Variants in PDE8B observed in about 807,000 individuals in gnomAD.
PDE8B encodes phosphodiesterase 8B.
In PDE8B, 26 loss-of-function variants were observed where a neutral mutation model predicts 101.3. The observed-to-expected ratio is 0.26, with a 90% CI of 0.19 to 0.36. PDE8B has a LOEUF of 0.36. Ranked by LOEUF, PDE8B falls within the 10% of genes least tolerant of loss-of-function variation. The pLI is 1.00. For missense variants in PDE8B, 810 were observed against 1,163.1 expected (o/e 0.70, Z 4.42); for synonymous variants, 424 against 429.3 (o/e 0.99, Z 0.15).
At chr5:77,204,057 T>G in the PDE8B span, among the ~76,000 whole-genome samples, 4 of 149,710 alleles carry the variant, frequency 2.7e-5, no homozygotes, top group Non-Finnish European at 4.4e-5. Flanking sequence ...TTAGTTTTTT[T>G]TTTTTTTTTT....
the PDE8B span, among the ~76,000 whole-genome samples, chr5:77,183,973 T>A: frequency 1.3e-5 from 2 of 151,534 alleles, no homozygotes; most frequent in Non-Finnish European, 2.9e-5. Flanking sequence ...TACATACTTT[T>A]TTTTTTTAAA....
chr5:77,291,346 C>A (rs908766827), intron 1 of PDE8B: 80 of 1,612,140 alleles, frequency 5.0e-5, no homozygotes, highest in Non-Finnish European at 6.0e-5. Flanking sequence ...GCGGAAGAAG[C>A]AAAGAAAGAA....
At chr5:77,364,245 C>T (rs1783695814) in intron 10 of PDE8B, among the ~76,000 whole-genome samples, 1 of 152,198 alleles carries the variant, frequency 6.6e-6, no homozygotes, top group African/African-American at 2.4e-5. Flanking sequence ...TTCAGTTCAG[C>T]TTTCTACCAC....
chr5:77,377,634 C>A (rs1786401061), intron 10 of PDE8B, among the ~76,000 whole-genome samples: 3 of 152,132 alleles, frequency 2.0e-5, no homozygotes, highest in Non-Finnish European at 4.4e-5. Flanking sequence ...AACAGTAAAA[C>A]CTTGTTTATG....
intron 17 of PDE8B, among the ~76,000 whole-genome samples, chr5:77,414,522 A>G (rs1039137013): frequency 1.3e-5 from 2 of 151,664 alleles, no homozygotes; most frequent in African/African-American, 4.8e-5. Flanking sequence ...CCAGGTTCCA[A>G]CAGTTCTCCT....
At chr5:77,166,226 TAAAAA>T in the PDE8B span, among the ~76,000 whole-genome samples, 1 of 116,374 alleles carries the variant, frequency 8.6e-6, no homozygotes, top group Non-Finnish European at 1.7e-5. Context: ...TCGGTAAAGA[TAAAAA>T]AAAAAAAAAA....
At chr5:77,277,037 G>A (rs769445046) in intron 1 of PDE8B, among the ~76,000 whole-genome samples, 2 of 152,060 alleles carry the variant, frequency 1.3e-5, no homozygotes, top group Non-Finnish European at 2.9e-5. Context: ...CTTTCACGGT[G>A]GTTGTTCTCA....
chr5:77,240,043 A>G (rs904250078), intron 1 of PDE8B, among the ~76,000 whole-genome samples: 3 of 151,642 alleles, frequency 2.0e-5, no homozygotes, highest in South Asian at 2.1e-4. Flanking sequence ...TTCCTTTTCA[A>G]CAAGCTCTCC....
intron 1 of PDE8B, among the ~76,000 whole-genome samples, chr5:77,253,937 CTA>C (rs1443113924): frequency 6.6e-5 from 10 of 151,572 alleles, no homozygotes; most frequent in African/African-American, 1.7e-4. Context: ...AAATATGTAA[CTA>C]TATTTTATTG....
chr5:77,235,278 C>T (rs534600865), intron 1 of PDE8B, among the ~76,000 whole-genome samples: 23 of 152,318 alleles, frequency 1.5e-4, no homozygotes, highest in Non-Finnish European at 2.4e-4. Context: ...CATAGACTAA[C>T]TAATTGACCA....
At chr5:77,099,122 T>C in the PDE8B span, among the ~76,000 whole-genome samples, 1 of 152,372 alleles carries the variant, frequency 6.6e-6, no homozygotes, top group African/African-American at 2.4e-5. Context: ...TGGATACTTA[T>C]GAAATTTTTA....
the PDE8B span, among the ~76,000 whole-genome samples, chr5:77,132,816 T>C: frequency 6.6e-6 from 1 of 152,244 alleles, no homozygotes; most frequent in East Asian, 1.9e-4. Flanking sequence ...GAAAGGTCTA[T>C]GGGAGGTACA....
chr5:77,419,785 G>A lies in PDE8B; in HGVS notation c.2148G>A (p.Leu716=), dbSNP rs1341836926. The A allele has an allele frequency of 2.5e-6, 4 of 1,613,938 alleles. No individual in the cohort carries two copies. The highest frequency in any genetic ancestry group is 2.7e-5 in the African/African-American group (2 of 74,910). ...ATTTTAGGAACCATTATCGAACGCTGCGCCAGGCTATTATTGACATGGTTT... is the reference window on the plus strand; with the variant it reads ...ATTTTAGGAACCATTATCGAACGCTACGCCAGGCTATTATTGACATGGTTT... ...KNIDRNHYRT[L]RQAIIDMVLA... Residue 716 remains leucine (L), a synonymous_variant, in exon 19 of 22, where the codon CTG becomes CTA. Transcript: ENST00000264917.
the PDE8B span, among the ~76,000 whole-genome samples, chr5:77,162,986 C>A: frequency 6.6e-6 from 1 of 152,212 alleles, no homozygotes; most frequent in Non-Finnish European, 1.5e-5. Context: ...ACATACTTGA[C>A]TTCAAATATA....
At chr5:77,400,497 TATC>T (rs770203751) in intron 11 of PDE8B, among the ~76,000 whole-genome samples, 4 of 152,222 alleles carry the variant, frequency 2.6e-5, no homozygotes, top group Non-Finnish European at 4.4e-5. Context: ...ATGGCAACCT[TATC>T]ATACTGAACG....
At chr5:77,153,394 T>C in the PDE8B span, among the ~76,000 whole-genome samples, 1 of 152,222 alleles carries the variant, frequency 6.6e-6, no homozygotes, top group Non-Finnish European at 1.5e-5. Flanking sequence ...AATGAATGAA[T>C]GTCATACTGT....
chr5:77,237,359 A>T (rs974847543), intron 1 of PDE8B, among the ~76,000 whole-genome samples: 1 of 151,964 alleles, frequency 6.6e-6, no homozygotes, highest in African/African-American at 2.4e-5. Flanking sequence ...ATTTTTTAGT[A>T]TTCAATTTTA....
chr5:77,227,950 A>G (rs1752765213), intron 1 of PDE8B, among the ~76,000 whole-genome samples: 3 of 152,204 alleles, frequency 2.0e-5, no homozygotes, highest in Non-Finnish European at 4.4e-5. Context: ...TTAGGGGCTT[A>G]AGACACCCAC....
At chr5:77,247,402 C>T (rs941507853) in intron 1 of PDE8B, among the ~76,000 whole-genome samples, 1 of 152,188 alleles carries the variant, frequency 6.6e-6, no homozygotes, top group African/African-American at 2.4e-5. Flanking sequence ...GTCATTCTCA[C>T]ACGAGCCTCC....
Sources: allele counts gnomAD v4.1 joint callset (sites outside exome capture counted in the v4.1 genomes callset), GRCh38; gene constraint gnomAD v4.1.1; transcripts MANE v1.5; gene names NCBI Gene and HGNC (gene_info 2026-07-23, HGNC 2026-07-21).